The following PDHX variants were observed in gnomAD, a reference collection of about 807,000 sequenced individuals.
PDHX encodes pyruvate dehydrogenase protein X component, mitochondrial.
Under a neutral mutation model 55.3 loss-of-function variants are expected in PDHX, and 33 were observed. That is an observed-to-expected ratio of 0.60 (90% CI 0.45 to 0.80). The LOEUF (loss-of-function observed/expected upper bound fraction) is 0.80. Ranked by LOEUF, PDHX falls within the 30% of genes least tolerant of loss-of-function variation. The pLI is 0.00. For synonymous variants in PDHX, 226 were observed against 219.4 expected (o/e 1.03, Z -0.27); for missense variants, 622 against 619.9 (o/e 1.00, Z -0.04).
At chr11:34,975,350 C>G (rs1488816161) in intron 7 of PDHX, among the ~76,000 whole-genome samples, 1 of 151,968 alleles carries the variant, frequency 6.6e-6, no homozygotes, top group Non-Finnish European at 1.5e-5. Flanking sequence ...CATGTGGTTT[C>G]TCTTTGGGGC....
chr11:34,936,787 T>TC (rs1554985030), intron 2 of PDHX, among the ~76,000 whole-genome samples: 27,012 of 104,452 alleles, frequency 0.26, 3,188 homozygotes, highest in Non-Finnish European at 0.37. Context: ...TCTTTTCTTT[T>TC]TTTTTTTTTT....
chr11:34,960,545 A>G (rs779817435), intron 5 of PDHX, 27 bp downstream of exon 5: 2 of 1,270,046 alleles, frequency 1.6e-6, no homozygotes, highest in East Asian at 2.3e-5. Context: ...TGTAATAACC[A>G]GTTCCATTAT....
Position 34,916,728 on chromosome 11 carries a change from A to G in PDHX, c.73A>G (p.Ser25Gly), listed in dbSNP as rs989403885. Residue 25 changes from serine to glycine, a missense_variant, in exon 1 of 11, where the codon AGC becomes GGC. Transcript: ENST00000227868. ...TCTTGTGGGCTTCCCCGGCCGCCGA[A>G]GCGTAGGGCTGGTGAAGGGGGCTCT... Reference protein sequence around the residue: ...RYLVGFPGRRSVGLVKGALGW... With the variant: ...RYLVGFPGRRGVGLVKGALGW... 1 of 1,613,462 alleles carries G rather than the reference A, an allele frequency of 6.2e-7. No homozygotes were observed. Among genetic ancestry groups the G allele is most frequent in the Non-Finnish European group, 8.5e-7 (1 of 1,179,918 alleles).
At chr11:34,992,599 C>T (rs1250356385) in intron 10 of PDHX, among the ~76,000 whole-genome samples, 1 of 152,118 alleles carries the variant, frequency 6.6e-6, no homozygotes, top group Non-Finnish European at 1.5e-5. Flanking sequence ...GTTCGTTGGA[C>T]ATTGACTAAC....
chr11:34,928,042 G>T (rs923018873), intron 1 of PDHX, among the ~76,000 whole-genome samples: 14 of 152,036 alleles, frequency 9.2e-5, no homozygotes, highest in Admixed American at 2.0e-4. Flanking sequence ...AAATGCAGAG[G>T]TTTCATAATA....
At chr11:34,979,386 T>C (rs946016019) in intron 8 of PDHX, among the ~76,000 whole-genome samples, 1 of 152,144 alleles carries the variant, frequency 6.6e-6, no homozygotes, top group African/African-American at 2.4e-5. Context: ...GAACCCAGGC[T>C]TCCTGCCTTC....
intron 3 of PDHX, 124 bp downstream of exon 3, chr11:34,947,730 C>A: frequency 1.4e-6 from 1 of 697,852 alleles, no homozygotes; most frequent in Admixed American, 2.1e-5. Context: ...CTACATAATA[C>A]ATTTTTAGTT....
At chr11:34,916,185 C>T (rs1432347197), upstream of PDHX, 2 of 1,593,514 alleles carry the variant, frequency 1.3e-6, no homozygotes, top group South Asian at 1.1e-5. Context: ...CCGCCTGGGC[C>T]TCTCCTCCTG....
At chr11:34,980,348 G>GTTTATTTTTTTTTTT (rs1319243948) in intron 8 of PDHX, among the ~76,000 whole-genome samples, 2 of 30,526 alleles carry the variant, frequency 6.6e-5, no homozygotes, top group South Asian at 8.8e-4. Context: ...GTTTAAGATA[G>GTTTATTTTTTTTTTT]TTTCTTTTTT....
intron 9 of PDHX, 62 bp downstream of exon 9, chr11:34,984,790 C>A: frequency 6.6e-7 from 1 of 1,510,778 alleles, no homozygotes; most frequent in Non-Finnish European, 9.2e-7. Context: ...TAATTACTTT[C>A]TGATAAAGTT....
intron 9 of PDHX, among the ~76,000 whole-genome samples, chr11:34,989,334 A>G (rs1000568543): frequency 6.6e-6 from 1 of 152,146 alleles, no homozygotes; most frequent in African/African-American, 2.4e-5. Context: ...TGGGTCTTTG[A>G]AGTATCCCCT....
At chr11:34,920,621 CTG>C (rs1373747811) in intron 1 of PDHX, among the ~76,000 whole-genome samples, 1 of 152,142 alleles carries the variant, frequency 6.6e-6, no homozygotes, top group Admixed American at 6.5e-5. Flanking sequence ...TTATCTAACA[CTG>C]AGTAATGATT....
chr11:34,981,469 A>G (rs150390706), intron 8 of PDHX, among the ~76,000 whole-genome samples: 7,175 of 152,232 alleles, frequency 0.047, 538 homozygotes, highest in African/African-American at 0.16. Context: ...ATATGTGTGC[A>G]TGTGTCTTTA....
intron 8 of PDHX, among the ~76,000 whole-genome samples, chr11:34,984,297 C>T (rs1000825882): frequency 3.3e-5 from 5 of 152,162 alleles, no homozygotes; most frequent in South Asian, 2.1e-4. Flanking sequence ...GAAAGAAAGC[C>T]CTTTTTCCCC....
intron 5 of PDHX, among the ~76,000 whole-genome samples, chr11:34,964,267 C>T (rs1226455906): frequency 6.6e-6 from 1 of 152,086 alleles, no homozygotes; most frequent in African/African-American, 2.4e-5. Flanking sequence ...TGTTACTAAA[C>T]AATAATTAAG....
chr11:34,972,532 G>A (rs1205747056), intron 7 of PDHX, among the ~76,000 whole-genome samples: 1 of 151,824 alleles, frequency 6.6e-6, no homozygotes, highest in Non-Finnish European at 1.5e-5. Flanking sequence ...TGAGTAGCTA[G>A]GATTACAGGC....
intron 4 of PDHX, among the ~76,000 whole-genome samples, chr11:34,958,307 T>C (rs1854948961): frequency 6.6e-6 from 1 of 151,954 alleles, no homozygotes; most frequent in Non-Finnish European, 1.5e-5. Context: ...GGGGGGGGCG[T>C]GCGGAGGTGG....
chr11:34,994,181 G>A (rs1855813261), intron 10 of PDHX, among the ~76,000 whole-genome samples: 1 of 152,088 alleles, frequency 6.6e-6, no homozygotes, highest in African/African-American at 2.4e-5. Context: ...AACCTAAATG[G>A]TACATGCTGC....
intron 8 of PDHX, among the ~76,000 whole-genome samples, chr11:34,979,284 T>C (rs948780539): frequency 6.6e-6 from 1 of 152,136 alleles, no homozygotes; most frequent in Non-Finnish European, 1.5e-5. Flanking sequence ...CTAACAGATA[T>C]TCCAGTGGAG....
Sources: gnomAD v4.1 joint callset for allele counts (sites outside exome capture counted in the v4.1 genomes callset) on GRCh38, gnomAD v4.1.1 for gene constraint, MANE v1.5 for transcripts, NCBI Gene and HGNC (gene_info 2026-07-23, HGNC 2026-07-21) for gene names.